ZEB1: variants seen among roughly 807,000 people sequenced by gnomAD.
ZEB1 encodes zinc finger E-box-binding homeobox 1.
Under a neutral mutation model 84.9 loss-of-function variants are expected in ZEB1, and 21 were observed. The observed-to-expected ratio is 0.25, with a 90% CI of 0.18 to 0.36. The LOEUF is 0.36. Among genes scored for constraint, ZEB1 ranks in the 10% least tolerant of loss-of-function variants. The probability of loss-of-function intolerance (pLI) is 1.00; values close to 1 mark genes in which losing one functional copy is unlikely to be tolerated. For missense variants in ZEB1, 1,104 were observed against 1,330.2 expected, an observed-to-expected ratio of 0.83 and a Z score of 2.65; for synonymous variants, 420 against 471.1, an observed-to-expected ratio of 0.89 and a Z score of 1.41.
chr10:31,331,465 A>G (rs998625599), intron 1 of ZEB1, among the ~76,000 whole-genome samples: 5 of 152,248 alleles, frequency 3.3e-5, no homozygotes, highest in East Asian at 1.9e-4. Context: ...ATCTGGGCCT[A>G]TGTTTGTTCA....
intron 1 of ZEB1, among the ~76,000 whole-genome samples, chr10:31,432,853 T>C (rs1310637574): frequency 6.6e-6 from 1 of 151,950 alleles, no homozygotes; most frequent in Non-Finnish European, 1.5e-5. Flanking sequence ...TAAAAAAGAG[T>C]GGCATTGTTT....
intron 2 of ZEB1, 76 bp from the exon 3 acceptor site, chr10:31,495,700 C>A: frequency 6.6e-7 from 1 of 1,522,078 alleles, no homozygotes; most frequent in Non-Finnish European, 9.1e-7. Context: ...ATTGGGATAT[C>A]CAAAACTTTA....
At chr10:31,525,575 T>C (rs888140660) in intron 8 of ZEB1, among the ~76,000 whole-genome samples, 1 of 152,232 alleles carries the variant, frequency 6.6e-6, no homozygotes, top group African/African-American at 2.4e-5. Context: ...TCCTGAGCTC[T>C]TTAATCCCCT....
At chr10:31,321,798 A>G in intron 1 of ZEB1, 3 of 509,450 alleles carry the variant, frequency 5.9e-6, no homozygotes, top group Non-Finnish European at 1.1e-5. Context: ...AGATACTTGA[A>G]ATCAACAGGA....
intron 2 of ZEB1, among the ~76,000 whole-genome samples, chr10:31,481,188 G>A (rs2064997359): frequency 6.6e-6 from 1 of 152,048 alleles, no homozygotes; most frequent in Non-Finnish European, 1.5e-5. Flanking sequence ...AGGCTAGTGT[G>A]TTCAGGGCTA....
intron 5 of ZEB1, 118 bp from the exon 6 acceptor site, chr10:31,514,485 T>C (rs1419813504): frequency 2.2e-6 from 2 of 896,490 alleles, no homozygotes; most frequent in East Asian, 2.7e-5. Flanking sequence ...TTGAGGTCTT[T>C]AAGAAACAAA....
At chr10:31,400,894 AAT>A (rs938435583) in intron 1 of ZEB1, among the ~76,000 whole-genome samples, 17 of 152,310 alleles carry the variant, frequency 1.1e-4, no homozygotes, top group African/African-American at 3.8e-4. Context: ...AACTGATTTA[AAT>A]AGAGTCATAA....
intron 2 of ZEB1, among the ~76,000 whole-genome samples, chr10:31,465,459 AATATAT>A (rs372982155): frequency 6.0e-5 from 9 of 149,762 alleles, no homozygotes; most frequent in African/African-American, 2.2e-4. Flanking sequence ...GATTGCAAAA[AATATAT>A]ATATATATAT....
At chr10:31,504,438 G>A (rs956325631) in intron 4 of ZEB1, among the ~76,000 whole-genome samples, 13 of 151,956 alleles carry the variant, frequency 8.6e-5, no homozygotes, top group African/African-American at 3.1e-4. Context: ...GGCTATATTG[G>A]TCTTTTGTGG....
chr10:31,392,103 C>G (rs1278475010), intron 1 of ZEB1, among the ~76,000 whole-genome samples: 2 of 152,000 alleles, frequency 1.3e-5, no homozygotes, highest in Non-Finnish European at 2.9e-5. Flanking sequence ...AAATACCAGC[C>G]TAAATGGGAG....
chr10:31,379,385 G>A (rs532857807), intron 1 of ZEB1, among the ~76,000 whole-genome samples: 1 of 151,688 alleles, frequency 6.6e-6, no homozygotes, highest in South Asian at 2.1e-4. Flanking sequence ...GGTATTGTTG[G>A]ACTGAAACTT....
chr10:31,488,135 A>G (rs2065981304), intron 2 of ZEB1, among the ~76,000 whole-genome samples: 1 of 151,394 alleles, frequency 6.6e-6, no homozygotes, highest in East Asian at 1.9e-4. Context: ...CTTAAAAAAA[A>G]TATTTAAATT....
At chr10:31,450,667 C>T (rs2060452941) in intron 1 of ZEB1, among the ~76,000 whole-genome samples, 1 of 152,050 alleles carries the variant, frequency 6.6e-6, no homozygotes, top group Non-Finnish European at 1.5e-5. Flanking sequence ...TATTATGATA[C>T]TAACTTCAGT....
chr10:31,491,665 G>A (rs2066551418), intron 2 of ZEB1, among the ~76,000 whole-genome samples: 1 of 151,868 alleles, frequency 6.6e-6, no homozygotes, highest in African/African-American at 2.4e-5. Context: ...TTACCCTTTA[G>A]AGTCTTTAAA....
chr10:31,377,116 T>A (rs2046778862), intron 1 of ZEB1, among the ~76,000 whole-genome samples: 2 of 146,594 alleles, frequency 1.4e-5, no homozygotes, highest in African/African-American at 5.1e-5. Flanking sequence ...CAATACAGAA[T>A]TTTTTTTTCA....
intron 1 of ZEB1, among the ~76,000 whole-genome samples, chr10:31,459,895 A>G (rs986717188): frequency 6.7e-5 from 10 of 150,102 alleles, no homozygotes; most frequent in Non-Finnish European, 1.3e-4. Flanking sequence ...AGGGATATGT[A>G]TACATATTAT....
intron 2 of ZEB1, among the ~76,000 whole-genome samples, chr10:31,477,388 C>T (rs1254921508): frequency 6.6e-6 from 1 of 151,928 alleles, no homozygotes; most frequent in African/African-American, 2.4e-5. Flanking sequence ...AAAAATATCT[C>T]GTGCTCATGG....
At chr10:31,463,841 C>A (rs2062076299) in intron 2 of ZEB1, among the ~76,000 whole-genome samples, 1 of 152,176 alleles carries the variant, frequency 6.6e-6, no homozygotes, top group South Asian at 2.1e-4. Context: ...TACCTTCATC[C>A]TAGTACTATA....
At chr10:31,369,059 A>G (rs2045170428) in intron 1 of ZEB1, among the ~76,000 whole-genome samples, 1 of 152,086 alleles carries the variant, frequency 6.6e-6, no homozygotes, top group Non-Finnish European at 1.5e-5. Context: ...TTCTTTTTTT[A>G]ATCTCCTGTT....
Sources: gnomAD v4.1 joint callset for allele counts (sites outside exome capture counted in the v4.1 genomes callset) on GRCh38, gnomAD v4.1.1 for gene constraint, MANE v1.5 for transcripts, NCBI Gene and HGNC (gene_info 2026-07-23, HGNC 2026-07-21) for gene names.